The following MYO3B variants were observed in gnomAD, a reference collection of about 807,000 sequenced individuals.
MYO3B encodes myosin IIIB.
A neutral mutation model predicts 174.6 loss-of-function variants in MYO3B; 156 were observed. The ratio of observed to expected loss-of-function variants is 0.89; its 90% CI spans 0.78 to 1.02. MYO3B has a LOEUF of 1.02. Among genes scored for constraint, MYO3B ranks in the 50% least tolerant of loss-of-function variants. MYO3B has a pLI of 0.00. For synonymous variants in MYO3B, 563 were observed against 569.1 expected, an observed-to-expected ratio of 0.99 and a Z score of 0.15; for missense variants, 1,632 against 1,639.4, an observed-to-expected ratio of 1.00 and a Z score of 0.08.
chr2:170,551,761 C>T (rs1015715784), intron 32 of MYO3B, among the ~76,000 whole-genome samples: 3 of 152,130 alleles, frequency 2.0e-5, no homozygotes, highest in African/African-American at 7.2e-5. Flanking sequence ...TCTGTGTCCC[C>T]ACCCAAATCT....
At chr2:170,343,110 C>G (rs1350393605) in intron 8 of MYO3B, among the ~76,000 whole-genome samples, 10 of 151,618 alleles carry the variant, frequency 6.6e-5, no homozygotes, top group Non-Finnish European at 1.5e-4. Context: ...GGCAACAGCT[C>G]CCTCCACCTG....
At chr2:170,459,003 T>TCCTCCCGTCCGGAGTTGTTCATC (rs1684074819) in intron 23 of MYO3B, among the ~76,000 whole-genome samples, 4 of 152,294 alleles carry the variant, frequency 2.6e-5, no homozygotes, top group Admixed American at 2.6e-4. Flanking sequence ...GTTTGTTTGT[T>TCCTCCCGTCCGGAGTTGTTCATC]CCTCCCGTCC....
At chr2:170,291,231 C>T (rs1251406962) in intron 7 of MYO3B, among the ~76,000 whole-genome samples, 2 of 152,052 alleles carry the variant, frequency 1.3e-5, no homozygotes, top group African/African-American at 2.4e-5. Context: ...CCTGGGCCAA[C>T]AACAGTGAGA....
At chr2:170,540,674 C>A (rs10187486) in intron 30 of MYO3B, among the ~76,000 whole-genome samples, 8 of 149,124 alleles carry the variant, frequency 5.4e-5, no homozygotes, top group Non-Finnish European at 8.9e-5. Flanking sequence ...ACAAAAAAAA[C>A]AAAAAAACAG....
chr2:170,442,683 T>C (rs1423614393), intron 22 of MYO3B, among the ~76,000 whole-genome samples: 1 of 152,082 alleles, frequency 6.6e-6, no homozygotes, highest in African/African-American at 2.4e-5. Context: ...TCCTGGTGTG[T>C]GATGTTCCCC....
chr2:170,577,401 C>A (rs1395904908), intron 32 of MYO3B, among the ~76,000 whole-genome samples: 3 of 152,284 alleles, frequency 2.0e-5, no homozygotes, highest in East Asian at 3.9e-4. Context: ...ACTCAATAAA[C>A]CCTGGTTGAA....
chr2:170,568,211 G>A (rs1692199781), intron 32 of MYO3B, among the ~76,000 whole-genome samples: 1 of 152,190 alleles, frequency 6.6e-6, no homozygotes. Flanking sequence ...CAATAAGAAG[G>A]GGTATGTAAA....
intron 9 of MYO3B, among the ~76,000 whole-genome samples, chr2:170,376,987 T>C (rs1396478246): frequency 1.3e-5 from 2 of 152,154 alleles, no homozygotes; most frequent in African/African-American, 2.4e-5. Context: ...GCGTATCCTG[T>C]CTCACCTACG....
intron 22 of MYO3B, among the ~76,000 whole-genome samples, chr2:170,437,928 CTTG>C (rs2094767514): frequency 6.6e-6 from 1 of 151,730 alleles, no homozygotes. Flanking sequence ...GAGACTTTTT[CTTG>C]TTGTTGCAGT....
At chr2:170,467,256 A>G (rs116310696) in intron 25 of MYO3B, among the ~76,000 whole-genome samples, 2,417 of 152,328 alleles carry the variant, frequency 0.016, 54 homozygotes, top group African/African-American at 0.056. Context: ...GTATGAAAAG[A>G]AAGTAAGTGA....
At chr2:170,626,304 T>C (rs560951101) in intron 32 of MYO3B, among the ~76,000 whole-genome samples, 50 of 152,330 alleles carry the variant, frequency 3.3e-4, no homozygotes, top group Middle Eastern at 3.4e-3. Context: ...TTTACGATTA[T>C]GTAATGGCCT....
chr2:170,443,393 C>T (rs2094816775), intron 22 of MYO3B, among the ~76,000 whole-genome samples: 2 of 151,946 alleles, frequency 1.3e-5, no homozygotes, highest in Non-Finnish European at 2.9e-5. Context: ...GGATATTAGC[C>T]CTTTGTTAGA....
At chr2:170,294,408 T>A (rs142786708) in intron 7 of MYO3B, among the ~76,000 whole-genome samples, 38 of 151,912 alleles carry the variant, frequency 2.5e-4, no homozygotes, top group Non-Finnish European at 5.2e-4. Context: ...TCCTAGTTTC[T>A]ATTTTTGTAG....
chr2:170,342,849 C>T (rs1191128564), intron 8 of MYO3B, among the ~76,000 whole-genome samples: 1 of 152,084 alleles, frequency 6.6e-6, no homozygotes, highest in Non-Finnish European at 1.5e-5. Context: ...AGTTCACGCT[C>T]AACCAGCAGT....
Position 170,369,229 on chromosome 2 carries a change from A to G in MYO3B, c.823A>G (p.Ile275Val), listed in dbSNP as rs10209102. 1.9e-3 allele frequency: 3,137 copies of G among 1,612,852 alleles called. 51 individuals carry two copies. In the African/African-American group the frequency reaches 0.038, roughly 19 times the overall value. ...GTTGGTTTTTGCAAACAGGTGTCTT[A>G]TTAAGGATTTTGAAAGGCGACCTTC... ...EFNHFISQCL[I>V]KDFERRPSVT... The change falls in exon 9 of 35, where the codon ATT becomes GTT. Residue 275 changes from isoleucine (I) to valine (V), a missense_variant. Physicochemically the swap from Ile to Val is conservative, Grantham distance 29. Coordinates refer to ENST00000408978, the MANE Select transcript of MYO3B (RefSeq NM_138995.5).
chr2:170,337,562 A>G (rs1457154394), intron 8 of MYO3B, among the ~76,000 whole-genome samples: 2 of 152,152 alleles, frequency 1.3e-5, no homozygotes, highest in African/African-American at 4.8e-5. Context: ...ATAATTGATG[A>G]CAGAGATTGG....
At chr2:170,203,182 T>C (rs1341994409) in intron 3 of MYO3B, among the ~76,000 whole-genome samples, 1 of 152,184 alleles carries the variant, frequency 6.6e-6, no homozygotes, top group Non-Finnish European at 1.5e-5. Flanking sequence ...GATATACATA[T>C]TAATAAATTA....
At chr2:170,476,441 A>C (rs1054401209) in intron 25 of MYO3B, among the ~76,000 whole-genome samples, 7 of 152,124 alleles carry the variant, frequency 4.6e-5, no homozygotes, top group Non-Finnish European at 7.3e-5. Context: ...TGAAGGATGA[A>C]TGCAGGGGTT....
intron 25 of MYO3B, among the ~76,000 whole-genome samples, chr2:170,477,196 T>G (rs1451770140): frequency 6.6e-6 from 1 of 152,168 alleles, no homozygotes; most frequent in Non-Finnish European, 1.5e-5. Context: ...TGTGTGATGG[T>G]CAGCCTTTGT....
Sources: gnomAD v4.1 joint callset for allele counts (sites outside exome capture counted in the v4.1 genomes callset) on GRCh38, gnomAD v4.1.1 for gene constraint, MANE v1.5 for transcripts, NCBI Gene and HGNC (gene_info 2026-07-23, HGNC 2026-07-21) for gene names.